NPC1: variants seen among roughly 807,000 people sequenced by gnomAD.
NPC1 encodes the protein NPC intracellular cholesterol transporter 1, also known as Niemann-Pick C1 protein.
Under a neutral mutation model 140.4 loss-of-function variants are expected in NPC1, and 85 were observed. That is an observed-to-expected ratio of 0.61 (90% CI 0.51 to 0.72). NPC1 has a LOEUF of 0.72. Among genes scored for constraint, NPC1 ranks in the 30% least tolerant of loss-of-function variants. The pLI is 0.00. For missense variants in NPC1, 1,504 were observed against 1,623.8 expected (o/e 0.93, Z 1.27); for synonymous variants, 656 against 624.8 (o/e 1.05, Z -0.74).
intron 8 of NPC1, 50 bp downstream of exon 8, chr18:23,556,193 C>A: frequency 6.4e-7 from 1 of 1,551,222 alleles, no homozygotes; most frequent in Non-Finnish European, 8.9e-7. Context: ...TAAAAGCCAG[C>A]AAACCACAAG....
At chr18:23,583,757 G>T (rs956632338) in intron 1 of NPC1, among the ~76,000 whole-genome samples, 2 of 152,102 alleles carry the variant, frequency 1.3e-5, no homozygotes, top group African/African-American at 4.8e-5. Flanking sequence ...GAATACAAAG[G>T]CCTATTCAGC....
chr18:23,575,980 T>G (rs2059271698), intron 1 of NPC1, among the ~76,000 whole-genome samples: 1 of 151,632 alleles, frequency 6.6e-6, no homozygotes, highest in Non-Finnish European at 1.5e-5. Flanking sequence ...TCCCAGCACT[T>G]TGGGAGGCTG....
At chr18:23,529,334 A>G, downstream of NPC1, 2 of 1,589,438 alleles carry the variant, frequency 1.3e-6, no homozygotes, top group Non-Finnish European at 1.7e-6. Flanking sequence ...TGGACTGAGA[A>G]TGCTCAAAAC....
downstream of NPC1, chr18:23,530,184 A>G: frequency 6.2e-7 from 1 of 1,613,910 alleles, no homozygotes; most frequent in Non-Finnish European, 8.5e-7. Context: ...GGAAAATTTT[A>G]ACCGTTATCT....
intron 11 of NPC1, 75 bp downstream of exon 11, chr18:23,547,931 A>C: frequency 2.3e-6 from 2 of 887,988 alleles, no homozygotes; most frequent in Non-Finnish European, 3.9e-6. Flanking sequence ...TAGAAAATGA[A>C]GTTTAAGTGC....
chr18:23,521,625 C>T (rs1199845391), downstream of NPC1, among the ~76,000 whole-genome samples: 1 of 151,558 alleles, frequency 6.6e-6, no homozygotes, highest in East Asian at 1.9e-4. Flanking sequence ...TTATTTGCTT[C>T]GTTTTGCCTT....
chr18:23,584,749 C>T (rs2059395931), intron 1 of NPC1, among the ~76,000 whole-genome samples: 1 of 152,162 alleles, frequency 6.6e-6, no homozygotes, highest in African/African-American at 2.4e-5. Flanking sequence ...ATCCTAGCTA[C>T]CTGGGAGGCT....
Position 23,538,999 on chromosome 18 carries a change from G to A in NPC1, c.2912-328C>T, listed in dbSNP as rs2145368543. ...AAGAAAATTCCAGGGCAACCTCGAC[G>A]CTCCTACAAAACCACAGGGTAAAGT... On this transcript the variant is annotated intron_variant, in intron 19 of 24. Transcript: ENST00000269228. 17 of 448,108 alleles carry A rather than the reference G, an allele frequency of 3.8e-5. 1 individual carries two copies. The highest frequency in any genetic ancestry group is 3.5e-4 in the South Asian group (16 of 46,342). 27.8% of individuals were successfully genotyped at this position (448,108 alleles called of 1,614,324 possible).
In NPC1 at chr18:23,535,782, G is replaced by C; in HGVS notation, c.3246-82C>G. On this transcript the variant is annotated intron_variant, in intron 21 of 24. Transcript: ENST00000269228. The stretch of plus-strand genomic sequence containing the variant: ...GTTCATCCTGTCACCACTGCCAAGT[G>C]GTCAGACTCCTTTGGGAAACATCCC... 4.3e-6 allele frequency: 4 copies of C among 921,918 alleles called. No homozygotes were observed. The South Asian group carries it at 5.4e-5, about 13-fold the overall frequency. The allele number at this position is 921,918 out of a possible 1,614,324, so 57.1% of individuals were successfully genotyped here. A position where few individuals can be genotyped will look rare whatever the true frequency, so the allele number is the denominator to read the frequency against.
intron 3 of NPC1, among the ~76,000 whole-genome samples, chr18:23,571,455 G>C (rs2059202060): frequency 6.6e-6 from 1 of 152,014 alleles, no homozygotes; most frequent in Non-Finnish European, 1.5e-5. Flanking sequence ...TCAGGAGTTT[G>C]AGACCAGCCT....
chr18:23,509,165 A>T, intron 3 of NPC1: 1 of 980,550 alleles, frequency 1.0e-6, no homozygotes, highest in Non-Finnish European at 1.4e-6. Context: ...CTTATTAATT[A>T]AAAATATTTT....
intron 9 of NPC1, 61 bp downstream of exon 9, chr18:23,554,697 C>A: frequency 7.6e-7 from 1 of 1,313,716 alleles, no homozygotes; most frequent in Non-Finnish European, 1.1e-6. Flanking sequence ...AAGCTTTTGC[C>A]CATGTACCCT....
rs941929632 is a variant in NPC1 at position 23,534,169 on chromosome 18, GC to G, written c.3591+276del. ...GCTGGGTTCTGGCCCGGGCTCCCCT[GC>G]ATTTTAAATGGGAAAGACTGCCAGC... is the stretch of plus-strand genomic sequence containing the variant. On this transcript the variant is annotated intron_variant, in intron 23 of 24. Coordinates refer to ENST00000269228, the MANE Select transcript of NPC1 (RefSeq NM_000271.5). The G allele has an allele frequency of 1.8e-5, 10 of 552,522 alleles. No homozygotes were observed. In the African/African-American group the frequency reaches 1.9e-4, roughly 10 times the overall value. 34.2% of individuals were successfully genotyped at this position (552,522 alleles called of 1,614,324 possible). A position where few individuals can be genotyped will look rare whatever the true frequency, so the allele number is the denominator to read the frequency against.
intron 23 of NPC1, chr18:23,533,881 A>G: frequency 2.8e-6 from 1 of 352,808 alleles, no homozygotes; most frequent in Non-Finnish European, 5.4e-6. Context: ...ACTACCTAAC[A>G]CTATTTGCTG....
chr18:23,527,722 A>G, downstream of NPC1: 2 of 1,195,196 alleles, frequency 1.7e-6, no homozygotes, highest in Non-Finnish European at 2.5e-6. Context: ...AGTTTTTATC[A>G]TAGCAACGTG....
intron 10 of NPC1, among the ~76,000 whole-genome samples, chr18:23,550,263 T>C (rs1394784135): frequency 6.6e-6 from 1 of 151,958 alleles, no homozygotes; most frequent in Non-Finnish European, 1.5e-5. Flanking sequence ...TGCTCGCCTC[T>C]GCCTCCCAAA....
At position 23,531,894 on chromosome 18, in the gene NPC1, G is replaced by A. The variant is rs1380895404; in HGVS notation, c.*308C>T. ...GACAGTGCATTGATTGGCCTTTACA[G>A]AGTGTCAGTGAGCGGATCACATTCA... On this transcript the variant is annotated 3_prime_UTR_variant, in exon 25 of 25. Coordinates refer to ENST00000269228, the MANE Select transcript of NPC1 (RefSeq NM_000271.5). 1.4e-6 allele frequency: 2 copies of A among 1,440,040 alleles called. No individual in the cohort carries two copies. Among genetic ancestry groups the A allele is most frequent in the East Asian group, 5.0e-5 (2 of 40,202 alleles). The allele number at this position is 1,440,040 out of a possible 1,614,324, so 89.2% of individuals were successfully genotyped here. A position where few individuals can be genotyped will look rare whatever the true frequency, so the allele number is the denominator to read the frequency against.
At chr18:23,575,907 T>G (rs1420800323) in intron 1 of NPC1, among the ~76,000 whole-genome samples, 2 of 148,218 alleles carry the variant, frequency 1.3e-5, no homozygotes, top group African/African-American at 5.0e-5. Flanking sequence ...GGCAACACAG[T>G]GAAACCCTGT....
At chr18:23,530,826 G>A (rs1230526946), downstream of NPC1, among the ~76,000 whole-genome samples, 1 of 152,146 alleles carries the variant, frequency 6.6e-6, no homozygotes, top group Non-Finnish European at 1.5e-5. Flanking sequence ...GAGGAGGTGT[G>A]TTTTGAGTCA....
Sources: gnomAD v4.1 joint callset for allele counts (sites outside exome capture counted in the v4.1 genomes callset) on GRCh38, gnomAD v4.1.1 for gene constraint, MANE v1.5 for transcripts, NCBI Gene and HGNC (gene_info 2026-07-23, HGNC 2026-07-21) for gene names.